Variants in ST8SIA2 observed in about 807,000 individuals in gnomAD.
ST8SIA2 encodes alpha-2,8-sialyltransferase 8B.
In ST8SIA2, 22 loss-of-function variants were observed where a neutral mutation model predicts 37.6. The ratio of observed to expected loss-of-function variants is 0.58; its 90% CI spans 0.42 to 0.83. The LOEUF is 0.83. Among genes scored for constraint, ST8SIA2 ranks in the 40% least tolerant of loss-of-function variants. The pLI is 0.00. For missense variants in ST8SIA2, 382 were observed against 484.7 expected (o/e 0.79, Z 1.99); for synonymous variants, 205 against 201.2 (o/e 1.02, Z -0.16).
intron 1 of ST8SIA2, among the ~76,000 whole-genome samples, chr15:92,420,205 G>A (rs2049622811): frequency 6.6e-6 from 1 of 152,196 alleles, no homozygotes; most frequent in Non-Finnish European, 1.5e-5. Flanking sequence ...TATAAGATGG[G>A]TGCAGATCAG....
chr15:92,433,436 A>G (rs1001655355), intron 2 of ST8SIA2, among the ~76,000 whole-genome samples: 1 of 152,200 alleles, frequency 6.6e-6, no homozygotes, highest in African/African-American at 2.4e-5. Flanking sequence ...ATAGAAACCT[A>G]CTAGCATAGA....
At position 92,464,072 on chromosome 15, in the gene ST8SIA2, CTTTTTTTTTTT is replaced by C. The variant is rs34156050; in HGVS notation, c.843-15_843-5del. 1.4e-5 allele frequency: 18 copies of C among 1,273,824 alleles called. No homozygotes were observed. The highest frequency in any genetic ancestry group is 3.1e-5 in the South Asian group (2 of 63,810). 78.9% of individuals were successfully genotyped at this position (1,273,824 alleles called of 1,614,324 possible). A position where few individuals can be genotyped will look rare whatever the true frequency, so the allele number is the denominator to read the frequency against. On this transcript the variant is annotated splice_polypyrimidine_tract_variant and intron_variant, in intron 5 of 5. Transcript: ENST00000268164. ...TGACTCACAGACCCATGTTTCTTTT[CTTTTTTTTTTT>C]TTTTTTTTTTTTCCAGATACTGGCT...
chr15:92,397,156 G>C (rs557515600), intron 1 of ST8SIA2, among the ~76,000 whole-genome samples: 2 of 152,206 alleles, frequency 1.3e-5, no homozygotes, highest in Non-Finnish European at 2.9e-5. Context: ...AACCTCTTTT[G>C]GGGGTAACTT....
intron 2 of ST8SIA2, among the ~76,000 whole-genome samples, chr15:92,433,419 C>CTAGT (rs1010645041): frequency 5.9e-5 from 9 of 152,150 alleles, no homozygotes; most frequent in African/African-American, 2.2e-4. Flanking sequence ...GAATTGTAAC[C>CTAGT]TAGTTTATAG....
intron 1 of ST8SIA2, among the ~76,000 whole-genome samples, chr15:92,425,665 A>G (rs911146904): frequency 2.6e-5 from 4 of 152,164 alleles, no homozygotes; most frequent in Admixed American, 2.0e-4. Flanking sequence ...AAGAGCCTTT[A>G]TTGTGGTTTG....
At chr15:92,410,145 G>C (rs1439644863) in intron 1 of ST8SIA2, among the ~76,000 whole-genome samples, 1 of 152,230 alleles carries the variant, frequency 6.6e-6, no homozygotes, top group South Asian at 2.1e-4. Flanking sequence ...ACTTGCTCTA[G>C]AGCAACAAAA....
At chr15:92,413,847 G>A (rs2049567950) in intron 1 of ST8SIA2, among the ~76,000 whole-genome samples, 1 of 152,212 alleles carries the variant, frequency 6.6e-6, no homozygotes, top group African/African-American at 2.4e-5. Flanking sequence ...CAGGAGTGTG[G>A]GGAGAGGGTG....
At chr15:92,430,573 T>C (rs953818883) in intron 2 of ST8SIA2, among the ~76,000 whole-genome samples, 4 of 152,224 alleles carry the variant, frequency 2.6e-5, no homozygotes, top group African/African-American at 9.7e-5. Flanking sequence ...TTAACCCTGA[T>C]TATTGAACGT....
At chr15:92,436,059 T>G (rs1467096643) in intron 3 of ST8SIA2, among the ~76,000 whole-genome samples, 1 of 46,314 alleles carries the variant, frequency 2.2e-5, no homozygotes, top group East Asian at 1.9e-3. Context: ...TGCTTCTATC[T>G]TCTTCTCTTC....
chr15:92,445,391 G>T (rs1176874027), intron 5 of ST8SIA2, among the ~76,000 whole-genome samples: 2 of 152,320 alleles, frequency 1.3e-5, no homozygotes, highest in African/African-American at 4.8e-5. Context: ...TAACATTGGA[G>T]GATGTGAAGA....
At chr15:92,450,632 G>A (rs1276677403) in intron 5 of ST8SIA2, among the ~76,000 whole-genome samples, 1 of 152,142 alleles carries the variant, frequency 6.6e-6, no homozygotes, top group Non-Finnish European at 1.5e-5. Flanking sequence ...CAGATCTTAT[G>A]AGAACTCACT....
chr15:92,432,656 A>C (rs546416144), intron 2 of ST8SIA2, among the ~76,000 whole-genome samples: 1 of 152,306 alleles, frequency 6.6e-6, no homozygotes, highest in South Asian at 2.1e-4. Flanking sequence ...TGCTAGGAAG[A>C]GTTCCTCTGC....
At chr15:92,442,458 C>T (rs1352752014) in intron 4 of ST8SIA2, among the ~76,000 whole-genome samples, 4 of 152,248 alleles carry the variant, frequency 2.6e-5, no homozygotes, top group East Asian at 3.9e-4. Flanking sequence ...GGTGCCACAT[C>T]CCCTTCATTC....
chr15:92,456,371 T>A (rs1459886589), intron 5 of ST8SIA2, among the ~76,000 whole-genome samples: 3 of 152,262 alleles, frequency 2.0e-5, no homozygotes, highest in Admixed American at 2.0e-4. Context: ...TTGCTGCTTT[T>A]CATTCACTGC....
rs552396747 is a variant in ST8SIA2, at chr15:92,425,595, G to A, written c.99-4454G>A. 3.6e-4 allele frequency among the ~76,000 whole-genome samples: 55 copies of A among 152,176 alleles called. 1 individual carries two copies. In the South Asian group the frequency reaches 0.011, roughly 29 times the overall value. ...AGATAGTTTGTTATACTCACATCAC[G>A]GGGCTCTACACAAGGAGATACTGGG... On this transcript the variant is annotated intron_variant, in intron 1 of 5. Transcript: ENST00000268164.
chr15:92,438,289 G>T (rs1596242891), intron 3 of ST8SIA2, 64 bp from the exon 4 acceptor site: 1 of 1,613,774 alleles, frequency 6.2e-7, no homozygotes, highest in East Asian at 2.2e-5. Flanking sequence ...GATAGGAAAA[G>T]CTGGGCTGGC....
intron 1 of ST8SIA2, among the ~76,000 whole-genome samples, chr15:92,399,699 A>T (rs2049456385): frequency 6.6e-6 from 1 of 152,180 alleles, no homozygotes; most frequent in Non-Finnish European, 1.5e-5. Context: ...TCTGGTTTTA[A>T]CTCACTTGCT....
At chr15:92,402,707 C>CACCTTAAT (rs1045293721) in intron 1 of ST8SIA2, among the ~76,000 whole-genome samples, 2 of 152,144 alleles carry the variant, frequency 1.3e-5, no homozygotes, top group Non-Finnish European at 1.5e-5. Context: ...AGTTCCAAAA[C>CACCTTAAT]ACCTTAATGC....
At chr15:92,459,321 G>A (rs926269485) in intron 5 of ST8SIA2, among the ~76,000 whole-genome samples, 2 of 152,122 alleles carry the variant, frequency 1.3e-5, no homozygotes, top group African/African-American at 4.8e-5. Context: ...CGATCCCTGG[G>A]TAACGTCAGC....
Sources: gnomAD v4.1 joint callset for allele counts (sites outside exome capture counted in the v4.1 genomes callset) on GRCh38, gnomAD v4.1.1 for gene constraint, MANE v1.5 for transcripts, NCBI Gene and HGNC (gene_info 2026-07-23, HGNC 2026-07-21) for gene names.